Variants in ASAP2 observed in about 807,000 individuals in gnomAD.
ASAP2 encodes arf-GAP with SH3 domain, ANK repeat and PH domain-containing protein 2.
ASAP2 carries 45 observed loss-of-function variants against 131.4 expected under a neutral mutation model. The observed-to-expected ratio is 0.34, with a 90% CI of 0.27 to 0.44. ASAP2 has a LOEUF of 0.44. ASAP2 is among the 20% of genes least tolerant of loss of function. The pLI, the probability that ASAP2 is intolerant of heterozygous loss-of-function variation, is 1.00. For missense variants in ASAP2, 1,011 were observed against 1,297.0 expected, an observed-to-expected ratio of 0.78 and a Z score of 3.39; for synonymous variants, 510 against 503.0, an observed-to-expected ratio of 1.01 and a Z score of -0.19.
chr2:9,265,231 T>C (rs1189953411), intron 1 of ASAP2, among the ~76,000 whole-genome samples: 1 of 152,256 alleles, frequency 6.6e-6, no homozygotes, highest in African/African-American at 2.4e-5. Context: ...ATAAGTAATC[T>C]AGAGATGATT....
chr2:9,286,447 A>AAATATATATATATATATATATATAT (rs58605449), intron 2 of ASAP2, among the ~76,000 whole-genome samples: 4 of 148,488 alleles, frequency 2.7e-5, no homozygotes, highest in African/African-American at 1.0e-4. Context: ...GAAAAAAAAA[A>AAATATATATATATATATATATATAT]ATATATATAT....
chr2:9,372,683 A>G (rs76439878), intron 16 of ASAP2, among the ~76,000 whole-genome samples: 6 of 152,142 alleles, frequency 3.9e-5, no homozygotes, highest in African/African-American at 1.4e-4. Context: ...CCAGTAAGAT[A>G]ATGATTCACC....
chr2:9,213,685 A>G (rs771146348), intron 1 of ASAP2, among the ~76,000 whole-genome samples: 1 of 152,026 alleles, frequency 6.6e-6, no homozygotes, highest in Admixed American at 6.6e-5. Context: ...CTACTGATGG[A>G]TTGTCATTAT....
intron 3 of ASAP2, among the ~76,000 whole-genome samples, chr2:9,306,022 A>G (rs575527194): frequency 7.4e-6 from 1 of 135,430 alleles, no homozygotes; most frequent in Non-Finnish European, 1.6e-5. Context: ...GGGGTGGTAG[A>G]TATGGGATGG....
At chr2:9,302,655 A>G (rs556876283) in intron 3 of ASAP2, among the ~76,000 whole-genome samples, 2 of 151,946 alleles carry the variant, frequency 1.3e-5, no homozygotes, top group African/African-American at 4.8e-5. Flanking sequence ...TTGTATTTTT[A>G]GTACAGACGG....
At chr2:9,383,112 GGGACTGTTTGA>G (rs1674994062) in intron 20 of ASAP2, among the ~76,000 whole-genome samples, 1 of 151,486 alleles carries the variant, frequency 6.6e-6, no homozygotes, top group African/African-American at 2.4e-5. Context: ...GGGGGGCCAC[GGGACTGTTTGA>G]GTCATGAGTC....
In ASAP2 at chr2:9,207,435, C is replaced by T. The variant is rs1436639787; in HGVS notation, c.126+205C>T. 6.6e-6 allele frequency among the ~76,000 whole-genome samples: 1 copy of T among 152,298 alleles called. No individual in the cohort carries two copies. Among genetic ancestry groups the T allele is most frequent in the Middle Eastern group, 3.4e-3 (1 of 292 alleles). ...ATGGCCACCTTGGGCCTCTTTAAGA[C>T]CTCCCCTCTCTCGGCCTCGTGGCCC... On this transcript the variant is annotated intron_variant, in intron 1 of 27. Transcript: ENST00000281419. The surrounding 1 kb of genome is among the most constrained non-coding windows in gnomAD (Gnocchi z 4.1).
chr2:9,356,934 C>A (rs940156816), intron 14 of ASAP2, among the ~76,000 whole-genome samples: 3 of 152,054 alleles, frequency 2.0e-5, no homozygotes, highest in African/African-American at 7.2e-5. Context: ...AAGGAATTTG[C>A]TTATTCTAAT....
At chr2:9,282,864 C>T (rs1278333991) in intron 2 of ASAP2, among the ~76,000 whole-genome samples, 2 of 152,222 alleles carry the variant, frequency 1.3e-5, no homozygotes, top group Non-Finnish European at 2.9e-5. Context: ...ACCAGTGTCC[C>T]TCACTGCAGG....
intron 1 of ASAP2, among the ~76,000 whole-genome samples, chr2:9,238,372 A>G (rs747678172): frequency 2.6e-5 from 4 of 152,160 alleles, no homozygotes; most frequent in Non-Finnish European, 5.9e-5. Flanking sequence ...ATATTTGACA[A>G]TACTCCAGGC....
In ASAP2 at chr2:9,364,629, A is replaced by G. The variant is rs147878438; in HGVS notation, c.1462-3796A>G. 1.2e-4 allele frequency among the ~76,000 whole-genome samples: 19 copies of G among 152,348 alleles called. No individual in the cohort carries two copies. In the East Asian group the frequency reaches 2.9e-3, roughly 23 times the overall value. ...TCATACGGTTGTTAATAAGCTGTCA[A>G]ATGTTAAAGCGGGTCAACACACAGT... On this transcript the variant is annotated intron_variant, in intron 15 of 27. Transcript: ENST00000281419.
At chr2:9,269,136 A>G (rs1004982300) in intron 1 of ASAP2, among the ~76,000 whole-genome samples, 4 of 152,134 alleles carry the variant, frequency 2.6e-5, no homozygotes, top group Admixed American at 6.5e-5. Context: ...CTTACATAAG[A>G]GAGGTGATAA....
At chr2:9,297,243 G>C in intron 2 of ASAP2, 57 bp from the exon 3 acceptor site, 1 of 1,598,982 alleles carries the variant, frequency 6.3e-7, no homozygotes, top group South Asian at 1.1e-5. Flanking sequence ...GAAGAACCTG[G>C]TGGGGAGTGA....
Position 9,368,426 on chromosome 2 carries a change from T to C in ASAP2, c.1463T>C (p.Leu488Pro), listed in dbSNP as rs775657980. Residue 488 changes from leucine to proline, a missense_variant and splice_region_variant, in exon 16 of 28, where the codon CTC (leucine) becomes CCC (proline). Leu to Pro is a moderately conservative substitution (Grantham distance 98). This residue lies in a region of ASAP2 where 652 missense variants were observed against 698.9 expected (regional missense o/e 0.93). Transcript: ENST00000281419. ...TGAAATAGACTTTCATTTTTGCAGC[T>C]CGCCAAGAATATTGGGAATGCAGGC... ...LDVLGTSELL[L>P]AKNIGNAGFN... is the part of the protein sequence containing the mutation. The C allele has an allele frequency of 1.1e-5, 17 of 1,614,100 alleles. No individual in the cohort carries two copies. Among genetic ancestry groups the C allele is most frequent in the Non-Finnish European group, 1.0e-5 (12 of 1,179,962 alleles).
rs537334643 is a variant in ASAP2 at position 9,346,393 on chromosome 2, G to A, written c.1023+1593G>A. Reference sequence around the variant, plus strand: ...AGAGTTTGTGGTGAGCCGATATCACGCCACTGCACTCCAGCCTGGGAGACA... The same window carrying A: ...AGAGTTTGTGGTGAGCCGATATCACACCACTGCACTCCAGCCTGGGAGACA... On this transcript the variant is annotated intron_variant, in intron 11 of 27. Coordinates refer to ENST00000281419, the MANE Select transcript of ASAP2 (RefSeq NM_003887.3). Among the ~76,000 whole-genome samples, 14 of 148,804 alleles carry A rather than the reference G, an allele frequency of 9.4e-5. No homozygotes were observed. In the East Asian group the frequency reaches 2.0e-3, roughly 21 times the overall value.
rs980467966 is a variant in ASAP2 at position 9,207,547 on chromosome 2, TGCCCGCCGCC to T, written c.126+333_126+342del. 2.5e-4 allele frequency among the ~76,000 whole-genome samples: 38 copies of T among 150,740 alleles called. No homozygotes were observed. The highest frequency in any genetic ancestry group is 2.5e-4 in the Non-Finnish European group (17 of 67,568). The stretch of plus-strand genomic sequence containing the variant: ...GTCCGCGGCGAGCGGGGGATCCCGC[TGCCCGCCGCC>T]GCCCGCCGCCGCCCGGGGTCTTTGG... On this transcript the variant is annotated intron_variant, in intron 1 of 27. Transcript: ENST00000281419. The surrounding 1 kb of genome is among the most constrained non-coding windows in gnomAD (Gnocchi z 4.1).
At chr2:9,276,250 A>G (rs983189971) in intron 1 of ASAP2, among the ~76,000 whole-genome samples, 2 of 152,198 alleles carry the variant, frequency 1.3e-5, no homozygotes, top group Admixed American at 6.5e-5. Flanking sequence ...CTGCCACCCT[A>G]TCGTGGAGGT....
chr2:9,244,235 G>A (rs1042079988), intron 1 of ASAP2, among the ~76,000 whole-genome samples: 1 of 152,178 alleles, frequency 6.6e-6, no homozygotes, highest in African/African-American at 2.4e-5. Context: ...GGTGGAGGTT[G>A]CAGTGAGCCA....
chr2:9,240,453 C>G (rs1663883646), intron 1 of ASAP2, among the ~76,000 whole-genome samples: 1 of 151,912 alleles, frequency 6.6e-6, no homozygotes, highest in Non-Finnish European at 1.5e-5. Context: ...TCCATGTTTC[C>G]CAGGCTGGTC....
Sources: gnomAD v4.1 joint callset for allele counts (sites outside exome capture counted in the v4.1 genomes callset) on GRCh38, gnomAD v4.1.1 for gene constraint, gnomAD v4.1.1 regional missense constraint, Gnocchi (gnomAD v3.1) non-coding constraint, MANE v1.5 for transcripts, NCBI Gene and HGNC (gene_info 2026-07-23, HGNC 2026-07-21) for gene names.